QTGAL: variants seen among roughly 807,000 people sequenced by gnomAD.
QTGAL encodes queuosine-tRNA galactosyltransferase.
chr17:82,961,297 G>C, the QTGAL span: 1 of 1,379,244 alleles, frequency 7.3e-7, no homozygotes, highest in Non-Finnish European at 9.7e-7. Context: ...AAAGGCTTTT[G>C]TTGCAAAGAA....
At chr17:83,048,071 A>G in the QTGAL span, among the ~76,000 whole-genome samples, 2 of 150,372 alleles carry the variant, frequency 1.3e-5, no homozygotes, top group Non-Finnish European at 3.0e-5. Context: ...CTGTCACCCC[A>G]GCTGGAGTGC....
chr17:83,027,005 GAGCGGGGCAGGGA>G, the QTGAL span, among the ~76,000 whole-genome samples: 4 of 149,834 alleles, frequency 2.7e-5, no homozygotes, highest in Non-Finnish European at 1.5e-5. Flanking sequence ...CAGACACACA[GAGCGGGGCAGGGA>G]GCCTGCAGAC....
chr17:83,048,479 G>A, the QTGAL span: 9 of 1,609,660 alleles, frequency 5.6e-6, no homozygotes, highest in Non-Finnish European at 7.7e-6. Flanking sequence ...ACCGCCTCTA[G>A]GAGAGGGAGA....
At chr17:83,017,706 C>T in the QTGAL span, among the ~76,000 whole-genome samples, 1 of 152,234 alleles carries the variant, frequency 6.6e-6, no homozygotes, top group Non-Finnish European at 1.5e-5. Context: ...GTCCAGTTAC[C>T]CTGGCTTGAT....
chr17:83,049,728 G>C, the QTGAL span, among the ~76,000 whole-genome samples: 89 of 152,322 alleles, frequency 5.8e-4, no homozygotes, highest in African/African-American at 2.0e-3. Flanking sequence ...GAGGCCTGAC[G>C]TCCATCTCTC....
chr17:83,005,976 C>T, the QTGAL span: 7 of 1,129,786 alleles, frequency 6.2e-6, no homozygotes, highest in Non-Finnish European at 7.6e-6. The surrounding 1 kb of genome is among the most constrained non-coding windows in gnomAD (Gnocchi z 5.6). Context: ...AGGGCTCACA[C>T]TCACCTTGCA....
chr17:82,960,297 G>A, the QTGAL span: 2 of 152,346 alleles, frequency 1.3e-5, no homozygotes, highest in Non-Finnish European at 1.5e-5. Flanking sequence ...TGGGACCATC[G>A]CGGCTCCCAC....
At chr17:83,041,897 G>C in the QTGAL span, among the ~76,000 whole-genome samples, 79,985 of 152,074 alleles carry the variant, frequency 0.53, 22,122 homozygotes, top group East Asian at 0.75. Flanking sequence ...GCAAGTAAGA[G>C]ATTCTAAGAT....
At chr17:82,964,837 GA>G in the QTGAL span, among the ~76,000 whole-genome samples, 2 of 110,906 alleles carry the variant, frequency 1.8e-5, no homozygotes, top group African/African-American at 7.0e-5. Context: ...ACCCCACGGG[GA>G]GGACGGGGAC....
At chr17:83,036,812 CT>C in the QTGAL span, among the ~76,000 whole-genome samples, 1 of 152,164 alleles carries the variant, frequency 6.6e-6, no homozygotes, top group East Asian at 1.9e-4. Flanking sequence ...CACTGGGCAG[CT>C]TTGTGGGAAC....
the QTGAL span, among the ~76,000 whole-genome samples, chr17:82,988,786 C>T: frequency 0.013 from 1,849 of 137,000 alleles, 43 homozygotes; most frequent in African/African-American, 0.043. Context: ...GAATTGAAAA[C>T]CAAAACCACA....
the QTGAL span, chr17:83,005,731 C>A: frequency 1.3e-6 from 1 of 761,880 alleles, no homozygotes. This position sits in a 1 kb window ranked among gnomAD's most constrained non-coding sequence, Gnocchi z 5.6. Context: ...ACCCTCTCCC[C>A]GGGCATCCAG....
the QTGAL span, among the ~76,000 whole-genome samples, chr17:82,967,341 CAG>C: frequency 6.6e-6 from 1 of 152,286 alleles, no homozygotes; most frequent in East Asian, 1.9e-4. Flanking sequence ...GCAGGTCAGG[CAG>C]AGACACAATG....
chr17:83,046,296 A>ATT, the QTGAL span, among the ~76,000 whole-genome samples: 3 of 149,242 alleles, frequency 2.0e-5, no homozygotes, highest in East Asian at 2.0e-4. Flanking sequence ...CACCTGGCTA[A>ATT]TTTTTTTTTG....
the QTGAL span, chr17:82,960,964 TG>T: frequency 1.4e-6 from 2 of 1,472,372 alleles, no homozygotes; most frequent in Non-Finnish European, 9.1e-7. Flanking sequence ...CCACAGCCTC[TG>T]GGGTCGGCCC....
the QTGAL span, chr17:83,051,704 G>A: frequency 6.8e-7 from 1 of 1,463,756 alleles, no homozygotes; most frequent in South Asian, 1.3e-5. Context: ...GACCCAGCCT[G>A]CACGGCGGGG....
chr17:82,960,840 C>T, the QTGAL span, among the ~76,000 whole-genome samples: 19 of 152,366 alleles, frequency 1.2e-4, no homozygotes, highest in African/African-American at 3.1e-4. Context: ...TTCACCCTGG[C>T]GCTCCCTGGC....
chr17:82,972,431 C>A, the QTGAL span, among the ~76,000 whole-genome samples: 1 of 122,442 alleles, frequency 8.2e-6, no homozygotes, highest in Non-Finnish European at 1.6e-5. Context: ...CACAGCACAC[C>A]ACAGGGGCTA....
the QTGAL span, among the ~76,000 whole-genome samples, chr17:82,999,207 C>T: frequency 6.6e-6 from 1 of 152,016 alleles, no homozygotes; most frequent in Non-Finnish European, 1.5e-5. Context: ...TGTTCACTGT[C>T]ATGCACAAAG....
Sources: allele counts gnomAD v4.1 joint callset (sites outside exome capture counted in the v4.1 genomes callset), GRCh38; gene constraint gnomAD v4.1.1; non-coding constraint Gnocchi (gnomAD v3.1); transcripts MANE v1.5; gene names NCBI Gene and HGNC (gene_info 2026-07-23, HGNC 2026-07-21).